EPS15: variants seen among roughly 807,000 people sequenced by gnomAD.
EPS15 encodes the protein epidermal growth factor receptor substrate 15.
Under a neutral mutation model 113.8 loss-of-function variants are expected in EPS15, and 72 were observed. The ratio of observed to expected loss-of-function variants is 0.63; its 90% CI spans 0.52 to 0.77. The LOEUF (loss-of-function observed/expected upper bound fraction) is 0.77, where lower values mean the gene tolerates loss of function less well. Ranked by LOEUF, EPS15 falls within the 30% of genes least tolerant of loss-of-function variation. The pLI, the probability that EPS15 is intolerant of heterozygous loss-of-function variation, is 0.00. For missense variants in EPS15, 1,048 were observed against 1,045.8 expected, an observed-to-expected ratio of 1.00 and a Z score of -0.03; for synonymous variants, 344 against 363.4, an observed-to-expected ratio of 0.95 and a Z score of 0.61.
intron 21 of EPS15, among the ~76,000 whole-genome samples, chr1:51,382,626 C>A (rs1430341863): frequency 6.6e-6 from 1 of 151,988 alleles, no homozygotes; most frequent in African/African-American, 2.4e-5. Flanking sequence ...ACCATGTTGG[C>A]CAGGCTGGTT....
intron 1 of EPS15, among the ~76,000 whole-genome samples, chr1:51,501,715 G>A (rs1486061285): frequency 6.6e-6 from 1 of 152,066 alleles, no homozygotes; most frequent in African/African-American, 2.4e-5. Flanking sequence ...CTGATCTCAG[G>A]TGATCCACCC....
At chr1:51,510,819 C>T (rs986489983) in intron 1 of EPS15, among the ~76,000 whole-genome samples, 2 of 152,024 alleles carry the variant, frequency 1.3e-5, no homozygotes, top group Admixed American at 1.3e-4. Context: ...AACTCTTTCC[C>T]CTGTCCTCAC....
rs1366635722 is a variant in EPS15, at chr1:51,408,352, G to T, written c.1276-20C>A. The T allele has an allele frequency of 6.5e-7, 1 of 1,536,046 alleles. No homozygotes were observed. The highest frequency in any genetic ancestry group is 9.0e-7 in the Non-Finnish European group (1 of 1,109,360). On this transcript the variant is annotated intron_variant, in intron 14 of 24. Transcript: ENST00000371733. Reference sequence around the variant, plus strand: ...AGAGATCTATAATGTGAAAGTGAATGAGAAGAAATGGGGATTAAAAGAAGA... The same window carrying T: ...AGAGATCTATAATGTGAAAGTGAATTAGAAGAAATGGGGATTAAAAGAAGA...
chr1:51,433,275 T>C (rs1242225452), intron 12 of EPS15, among the ~76,000 whole-genome samples: 1 of 152,254 alleles, frequency 6.6e-6, no homozygotes, highest in Non-Finnish European at 1.5e-5. Flanking sequence ...GTACTCTAAG[T>C]GCTGAACTCG....
At chr1:51,357,389 AAAATATATATATAT>A (rs1295668872) in intron 24 of EPS15, among the ~76,000 whole-genome samples, 8 of 57,658 alleles carry the variant, frequency 1.4e-4, no homozygotes, top group Middle Eastern at 9.1e-3. Flanking sequence ...AAAAAAAAAA[AAAATATATATATAT>A]ATATATATAT....
In EPS15 at chr1:51,455,297, A is replaced by C. The variant is rs551939956; in HGVS notation, c.561+5794T>G. 2.0e-5 allele frequency among the ~76,000 whole-genome samples: 3 copies of C among 151,866 alleles called. No homozygotes were observed. In the East Asian group the frequency reaches 5.8e-4, roughly 29 times the overall value. On this transcript the variant is annotated intron_variant, in intron 8 of 24. Coordinates refer to ENST00000371733, the MANE Select transcript of EPS15 (RefSeq NM_001981.3). ...TTTCTAGTTTTCAAATCATAACAGA[A>C]AAATTTGGCCCTTTGGGCACGGTGA...
intron 19 of EPS15, 130 bp downstream of exon 19, chr1:51,400,788 T>A: frequency 8.7e-6 from 3 of 343,270 alleles, no homozygotes; most frequent in Non-Finnish European, 5.7e-6. Context: ...AAGAATTTAC[T>A]ACTCTCTTTC....
chr1:51,393,093 C>CT (rs1570179616), intron 21 of EPS15, among the ~76,000 whole-genome samples: 1 of 152,168 alleles, frequency 6.6e-6, no homozygotes, highest in East Asian at 1.9e-4. Context: ...TACATATCTC[C>CT]TTTTTGTATT....
At chr1:51,509,824 G>A (rs1190087050) in intron 1 of EPS15, among the ~76,000 whole-genome samples, 1 of 152,218 alleles carries the variant, frequency 6.6e-6, no homozygotes, top group Non-Finnish European at 1.5e-5. Context: ...CACATAGGAA[G>A]ATGTAGTAGC....
At chr1:51,371,698 GA>G (rs994556807) in intron 21 of EPS15, among the ~76,000 whole-genome samples, 7 of 152,066 alleles carry the variant, frequency 4.6e-5, no homozygotes, top group African/African-American at 1.7e-4. Flanking sequence ...TATTATTGAA[GA>G]AAAATGTTTT....
At chr1:51,460,489 G>A (rs1369305698) in intron 8 of EPS15, among the ~76,000 whole-genome samples, 1 of 152,136 alleles carries the variant, frequency 6.6e-6, no homozygotes, top group African/African-American at 2.4e-5. Flanking sequence ...TTCCATATTA[G>A]AAGCAGGTAC....
intron 12 of EPS15, among the ~76,000 whole-genome samples, chr1:51,426,817 G>GTCTC (rs35528783): frequency 0.16 from 23,249 of 145,486 alleles, 2,286 homozygotes; most frequent in African/African-American, 0.27. Context: ...AAATAAATCT[G>GTCTC]TCTCTCTCTC....
intron 1 of EPS15, among the ~76,000 whole-genome samples, chr1:51,491,656 A>C (rs1490379623): frequency 1.3e-5 from 2 of 152,126 alleles, no homozygotes; most frequent in African/African-American, 4.8e-5. Context: ...GCTAGTAATA[A>C]GAGAAATTTG....
At chr1:51,385,932 T>C (rs1311524024) in intron 21 of EPS15, among the ~76,000 whole-genome samples, 1 of 152,158 alleles carries the variant, frequency 6.6e-6, no homozygotes, top group African/African-American at 2.4e-5. Flanking sequence ...TTCTGGAATA[T>C]GAAAAAAGTT....
rs757838721 is a variant in EPS15, at chr1:51,356,861, A to G, written c.2545-15T>C. The G allele has an allele frequency of 6.3e-7, 1 of 1,597,472 alleles. No homozygotes were observed. Among genetic ancestry groups the G allele is most frequent in the South Asian group, 1.1e-5 (1 of 87,516 alleles). On this transcript the variant is annotated splice_polypyrimidine_tract_variant and intron_variant, in intron 24 of 24. Coordinates refer to ENST00000371733, the MANE Select transcript of EPS15 (RefSeq NM_001981.3). ...TCAGAGGGATACTGCCATTTAAAAGATCGATGAACAAACGAATAAATAAAT... is the reference window on the plus strand; with the variant it reads ...TCAGAGGGATACTGCCATTTAAAAGGTCGATGAACAAACGAATAAATAAAT...
chr1:51,401,102 C>CT, intron 18 of EPS15, 149 bp from the exon 19 acceptor site: 1 of 530,900 alleles, frequency 1.9e-6, no homozygotes, highest in South Asian at 2.9e-5. Context: ...TGTCATTGAC[C>CT]TTATGAAATA....
intron 22 of EPS15, 36 bp from the exon 23 acceptor site, chr1:51,364,064 C>T (rs1646451276): frequency 6.6e-7 from 1 of 1,524,908 alleles, no homozygotes; most frequent in Admixed American, 1.9e-5. Context: ...CATGGCTATA[C>T]CAAGCAAATT....
chr1:51,411,760 G>A (rs1649746245), intron 13 of EPS15, among the ~76,000 whole-genome samples: 1 of 152,184 alleles, frequency 6.6e-6, no homozygotes, highest in Non-Finnish European at 1.5e-5. Context: ...CTGTTAGTGG[G>A]AGTGTAAATT....
At chr1:51,486,346 A>C (rs1040185273) in intron 1 of EPS15, among the ~76,000 whole-genome samples, 1 of 150,776 alleles carries the variant, frequency 6.6e-6, no homozygotes, top group Non-Finnish European at 1.5e-5. Flanking sequence ...AATTGCTTTA[A>C]GCCAGGAGGC....
Sources: gnomAD v4.1 joint callset for allele counts (sites outside exome capture counted in the v4.1 genomes callset) on GRCh38, gnomAD v4.1.1 for gene constraint, MANE v1.5 for transcripts, NCBI Gene and HGNC (gene_info 2026-07-23, HGNC 2026-07-21) for gene names.